SWT1: variants seen among roughly 807,000 people sequenced by gnomAD.
SWT1 encodes transcriptional protein SWT1.
Under a neutral mutation model 107.3 loss-of-function variants are expected in SWT1, and 33 were observed. The observed-to-expected ratio is 0.31, with a 90% CI of 0.23 to 0.41. SWT1 has a LOEUF of 0.41. SWT1 is among the 10% of genes least tolerant of loss of function. SWT1 has a pLI of 1.00. For synonymous variants in SWT1, 345 were observed against 348.3 expected (o/e 0.99, Z 0.11); for missense variants, 898 against 1,028.9 (o/e 0.87, Z 1.74).
chr1:185,178,003 CAGGGAGGCAGACTAGTA>C (rs1162038697), intron 5 of SWT1, among the ~76,000 whole-genome samples: 2 of 152,104 alleles, frequency 1.3e-5, no homozygotes, highest in African/African-American at 4.8e-5. Flanking sequence ...AAGAAGTTCC[CAGGGAGGCAGACTAGTA>C]AGTAAAAAAA....
intron 18 of SWT1, among the ~76,000 whole-genome samples, chr1:185,282,239 T>C (rs1474297307): frequency 6.6e-6 from 1 of 152,216 alleles, no homozygotes; most frequent in Non-Finnish European, 1.5e-5. Context: ...TTAACACTTT[T>C]GAGTTCTGAC....
intron 4 of SWT1, among the ~76,000 whole-genome samples, chr1:185,172,740 G>C (rs1471269710): frequency 6.6e-6 from 1 of 152,032 alleles, no homozygotes; most frequent in Non-Finnish European, 1.5e-5. Flanking sequence ...TAAAATCTTT[G>C]CTAATTTGAT....
At chr1:185,219,325 T>G (rs1659456528) in intron 14 of SWT1, among the ~76,000 whole-genome samples, 1 of 152,198 alleles carries the variant, frequency 6.6e-6, no homozygotes, top group African/African-American at 2.4e-5. Context: ...TTTTGTTGAT[T>G]ATAAGATATG....
At chr1:185,271,477 G>C in intron 17 of SWT1, 88 bp downstream of exon 17, 1 of 676,422 alleles carries the variant, frequency 1.5e-6, no homozygotes, top group Admixed American at 2.6e-5. Context: ...CTCAAACATA[G>C]TGGAATGCTA....
intron 14 of SWT1, among the ~76,000 whole-genome samples, chr1:185,216,824 C>T (rs1312374582): frequency 2.6e-5 from 4 of 151,952 alleles, no homozygotes; most frequent in African/African-American, 9.7e-5. Context: ...TGGTGGCACA[C>T]ACCTGTAGTC....
chr1:185,248,035 T>A (rs76555150), intron 16 of SWT1, among the ~76,000 whole-genome samples: 5,955 of 152,272 alleles, frequency 0.039, 374 homozygotes, highest in African/African-American at 0.14. Flanking sequence ...GGATTCCCTC[T>A]GCAATATAGG....
chr1:185,271,314 AT>A lies in SWT1; in HGVS notation c.2442-3del. 2.8e-6 allele frequency: 4 copies of A among 1,453,950 alleles called. No homozygotes were observed. Among genetic ancestry groups the A allele is most frequent in the African/African-American group, 1.4e-5 (1 of 72,010 alleles). 90.1% of individuals were successfully genotyped at this position (1,453,950 alleles called of 1,614,324 possible). A position where few individuals can be genotyped will look rare whatever the true frequency, so the allele number is the denominator to read the frequency against. On this transcript the variant is annotated splice_region_variant and splice_polypyrimidine_tract_variant and intron_variant, in intron 16 of 18. Transcript: ENST00000367500. Reference sequence around the variant, plus strand: ...TATTCCCCCCCTTTGTTTTTATTTTATTTTTTAGGATTTTGGCCCCAAACAG... The same window carrying A: ...TATTCCCCCCCTTTGTTTTTATTTTATTTTTAGGATTTTGGCCCCAAACAG...
chr1:185,197,935 C>T (rs1332425223), intron 10 of SWT1, among the ~76,000 whole-genome samples: 1 of 152,100 alleles, frequency 6.6e-6, no homozygotes, highest in African/African-American at 2.4e-5. Context: ...GTCTCTATCT[C>T]CTTCAGTTCT....
At position 185,184,068 on chromosome 1, in the gene SWT1, C is replaced by T. The variant is rs79955105; in HGVS notation, c.1139-175C>T. 5.9e-3 allele frequency among the ~76,000 whole-genome samples: 895 copies of T among 152,290 alleles called. 35 individuals are homozygous for T. In the East Asian group the frequency reaches 0.094, roughly 16 times the overall value. Reference sequence around the variant, plus strand: ...ATTTACTTGGCAACAAGGATACGGGCCGGATAGATATCAGCTTGAGAGTCT... The same window carrying T: ...ATTTACTTGGCAACAAGGATACGGGTCGGATAGATATCAGCTTGAGAGTCT... On this transcript the variant is annotated intron_variant, in intron 7 of 18. Transcript: ENST00000367500.
intron 16 of SWT1, among the ~76,000 whole-genome samples, chr1:185,253,217 G>C (rs1279640284): frequency 6.6e-6 from 1 of 150,466 alleles, no homozygotes; most frequent in East Asian, 1.9e-4. Flanking sequence ...CAGGTAGCGT[G>C]ATACCTCCAG....
At chr1:185,231,410 C>G (rs1021021012) in intron 15 of SWT1, among the ~76,000 whole-genome samples, 167 bp from the exon 16 acceptor site, 2 of 152,158 alleles carry the variant, frequency 1.3e-5, no homozygotes, top group Middle Eastern at 3.2e-3. Context: ...AATCTTATCC[C>G]AGACTTTCGT....
chr1:185,171,545 AT>A, intron 4 of SWT1: 1 of 408,410 alleles, frequency 2.4e-6, no homozygotes, highest in Non-Finnish European at 4.8e-6. Flanking sequence ...CTCCAATGAC[AT>A]TCCTAGCTTT....
At chr1:185,249,155 G>A (rs888588597) in intron 16 of SWT1, among the ~76,000 whole-genome samples, 2 of 152,130 alleles carry the variant, frequency 1.3e-5, no homozygotes, top group African/African-American at 2.4e-5. Flanking sequence ...CAAGTGAAAC[G>A]CCAATATGTG....
intron 10 of SWT1, among the ~76,000 whole-genome samples, chr1:185,191,304 C>G (rs2102409677): frequency 6.6e-6 from 1 of 152,124 alleles, no homozygotes; most frequent in Admixed American, 6.5e-5. Context: ...AAAGATAAAA[C>G]TAAGATAATG....
At chr1:185,252,682 GC>G (rs553197240) in intron 16 of SWT1, among the ~76,000 whole-genome samples, 2,861 of 152,128 alleles carry the variant, frequency 0.019, 58 homozygotes, top group Non-Finnish European at 0.024. Flanking sequence ...CTGGATATTA[GC>G]CCTTTGTCAG....
In SWT1 at chr1:185,179,183, C is replaced by T. The variant is rs534707647; in HGVS notation, c.967-1208C>T. Among the ~76,000 whole-genome samples, 7 of 152,154 alleles carry T rather than the reference C, an allele frequency of 4.6e-5. No individual in the cohort carries two copies. In the East Asian group the frequency reaches 9.7e-4, roughly 21 times the overall value. On this transcript the variant is annotated intron_variant, in intron 5 of 18. Transcript: ENST00000367500. ...ACTTGGGAGGCTGAGGCAGAAGAATCGCTTGAACCCGGGAGGTGGAGGTTG... is the reference window on the plus strand; with the variant it reads ...ACTTGGGAGGCTGAGGCAGAAGAATTGCTTGAACCCGGGAGGTGGAGGTTG...
chr1:185,208,666 A>G (rs1658520683), intron 13 of SWT1, among the ~76,000 whole-genome samples: 1 of 152,158 alleles, frequency 6.6e-6, no homozygotes, highest in African/African-American at 2.4e-5. Context: ...GTCGATAAAT[A>G]AATATTTCCC....
chr1:185,236,732 A>G (rs1385670213), intron 16 of SWT1, among the ~76,000 whole-genome samples: 1 of 152,262 alleles, frequency 6.6e-6, no homozygotes, highest in African/African-American at 2.4e-5. Flanking sequence ...TTCTGATTAA[A>G]GAGCTTCTGC....
At chr1:185,269,344 G>A (rs1479482446) in intron 16 of SWT1, among the ~76,000 whole-genome samples, 1 of 150,482 alleles carries the variant, frequency 6.6e-6, no homozygotes, top group Non-Finnish European at 1.5e-5. Context: ...GTATTCCTCA[G>A]GGCTTTTTTG....
Sources: gnomAD v4.1 joint callset for allele counts (sites outside exome capture counted in the v4.1 genomes callset) on GRCh38, gnomAD v4.1.1 for gene constraint, MANE v1.5 for transcripts, NCBI Gene and HGNC (gene_info 2026-07-23, HGNC 2026-07-21) for gene names.